Variants in ACACB observed in about 807,000 individuals in gnomAD.
The protein encoded by ACACB is acetyl-CoA carboxylase 2.
Under a neutral mutation model 278.8 loss-of-function variants are expected in ACACB, and 209 were observed. The observed-to-expected ratio is 0.75, with a 90% CI of 0.67 to 0.84. The LOEUF (loss-of-function observed/expected upper bound fraction) is 0.84, where lower values mean the gene tolerates loss of function less well. Among genes scored for constraint, ACACB ranks in the 40% least tolerant of loss-of-function variants. The probability of loss-of-function intolerance (pLI) is 0.00; values close to 1 mark genes in which losing one functional copy is unlikely to be tolerated. For missense variants in ACACB, 2,850 were observed against 3,269.0 expected (o/e 0.87, Z 3.13); for synonymous variants, 1,174 against 1,285.6 (o/e 0.91, Z 1.86).
Position 109,232,649 on chromosome 12 carries a change from G to C in ACACB, c.4002-20G>C, listed in dbSNP as rs746561107. The C allele has an allele frequency of 6.2e-7, 1 of 1,608,834 alleles. No individual in the cohort carries two copies. The highest frequency in any genetic ancestry group is 8.5e-7 in the Non-Finnish European group (1 of 1,176,798). ...GTCTGCAAGCAGCTGCCTCATCCCCGACTTGCCATCACCTTACAGGATGAC... is the reference window on the plus strand; with the variant it reads ...GTCTGCAAGCAGCTGCCTCATCCCCCACTTGCCATCACCTTACAGGATGAC... On this transcript the variant is annotated intron_variant, in intron 28 of 52. Coordinates refer to ENST00000338432, the MANE Select transcript of ACACB (RefSeq NM_001093.4).
intron 38 of ACACB, among the ~76,000 whole-genome samples, chr12:109,245,963 C>G (rs1288476527): frequency 6.6e-6 from 1 of 151,988 alleles, no homozygotes; most frequent in African/African-American, 2.4e-5. Flanking sequence ...GTGGTGTGCT[C>G]CTATAGTCCC....
intron 47 of ACACB, among the ~76,000 whole-genome samples, 174 bp from the exon 48 acceptor site, chr12:109,260,306 G>T (rs945150433): frequency 6.6e-6 from 1 of 152,188 alleles, no homozygotes; most frequent in Non-Finnish European, 1.5e-5. Context: ...TGAATGACCT[G>T]TTCGAGGTCA....
Position 109,193,684 on chromosome 12 carries a change from C to T in ACACB, c.2436C>T (p.Leu812=), listed in dbSNP as rs372631878. 20 of 1,613,926 alleles carry T rather than the reference C, an allele frequency of 1.2e-5. No homozygotes were observed. In the African/African-American group the frequency reaches 1.6e-4, roughly 13 times the overall value. The change falls in exon 16 of 53, where the codon CTC becomes CTT. Residue 812 remains leucine (L), a synonymous_variant. Transcript: ENST00000338432. ...TCCCAGCGGATTCACTACTGAACCT[C>T]GTAGATGTGGAATTAATTTACGGAG... ...QVLPADSLLN[L]VDVELIYGGV...
Position 109,262,358 on chromosome 12 carries a change from G to A in ACACB, c.6676G>A (p.Gly2226Ser), listed in dbSNP as rs756933792. 2.5e-6 allele frequency: 4 copies of A among 1,612,600 alleles called. No individual in the cohort carries two copies. The Admixed American group carries it at 5.0e-5, about 20-fold the overall frequency. The stretch of plus-strand genomic sequence containing the variant: ...CATCCCTGCCTCTTCTCTTTTAAGG[G>A]GTGGTGTTCTGGAACCAGAGGGGAC... Reference protein sequence around the residue: ...IEMYADKESRGGVLEPEGTVE... With the variant: ...IEMYADKESRSGVLEPEGTVE... Residue 2226 changes from glycine to serine, a missense_variant and splice_region_variant, in exon 49 of 53, where the codon GGT becomes AGT. Around this residue, in one of 3 missense-constraint regions of ACACB, gnomAD observed 579 missense variants for 684.6 expected, o/e 0.85. Coordinates refer to ENST00000338432, the MANE Select transcript of ACACB (RefSeq NM_001093.4).
At chr12:109,164,859 A>T (rs564812372) in intron 2 of ACACB, among the ~76,000 whole-genome samples, 10 of 151,786 alleles carry the variant, frequency 6.6e-5, no homozygotes, top group African/African-American at 2.4e-4. Context: ...CTGGGATTAC[A>T]GGTGTGAGCC....
At chr12:109,170,446 G>T (rs2044073587) in intron 4 of ACACB, among the ~76,000 whole-genome samples, 1 of 152,086 alleles carries the variant, frequency 6.6e-6, no homozygotes, top group Non-Finnish European at 1.5e-5. Flanking sequence ...TCAAAACATT[G>T]CGTTATGTTC....
chr12:109,183,735 T>C (rs189009172), intron 11 of ACACB, among the ~76,000 whole-genome samples: 1 of 152,290 alleles, frequency 6.6e-6, no homozygotes, highest in Non-Finnish European at 1.5e-5. Context: ...ACAAGGATAA[T>C]TGGACTTCTT....
chr12:109,134,306 GTGGAC>G (rs1319938021), intron 1 of ACACB, among the ~76,000 whole-genome samples: 1 of 152,198 alleles, frequency 6.6e-6, no homozygotes, highest in Non-Finnish European at 1.5e-5. Flanking sequence ...CCCCAAGGGA[GTGGAC>G]TGCCGAATTT....
intron 2 of ACACB, among the ~76,000 whole-genome samples, chr12:109,160,497 C>T (rs1004939925): frequency 5.9e-5 from 9 of 152,148 alleles, no homozygotes; most frequent in Non-Finnish European, 8.8e-5. Context: ...TCTTGTGCTC[C>T]GGCAGCTGAC....
chr12:109,115,549 C>T (rs1460525572), upstream of ACACB, among the ~76,000 whole-genome samples: 7 of 151,026 alleles, frequency 4.6e-5, no homozygotes, highest in African/African-American at 1.2e-4. Context: ...ACATATGACT[C>T]GGGCCGGGCA....
chr12:109,205,333 C>G, intron 19 of ACACB, among the ~76,000 whole-genome samples: 1 of 152,316 alleles, frequency 6.6e-6, no homozygotes, highest in Middle Eastern at 3.4e-3. Flanking sequence ...GTGAGACAGA[C>G]TGGGAGATCG....
At chr12:109,144,004 AAAAAAT>A in intron 2 of ACACB, among the ~76,000 whole-genome samples, 1 of 152,060 alleles carries the variant, frequency 6.6e-6, no homozygotes, top group Non-Finnish European at 1.5e-5. Context: ...CTGTCTCTAC[AAAAAAT>A]AAAAATAAAA....
Position 109,262,482 on chromosome 12 carries a change from C to A in ACACB, c.6787+13C>A. On this transcript the variant is annotated intron_variant, in intron 49 of 52. Transcript: ENST00000338432. ...ATGGAACAGCTAGGTAAGGGGGTCC[C>A]AAAGGCTTCACCTCTCAGAGGTCAA... The A allele has an allele frequency of 1.3e-6, 2 of 1,591,350 alleles. No homozygotes were observed. The highest frequency in any genetic ancestry group is 1.7e-6 in the Non-Finnish European group (2 of 1,160,898).
chr12:109,139,793 A>G lies in ACACB; in HGVS notation c.388A>G (p.Thr130Ala), dbSNP rs746364518. 7.4e-6 allele frequency: 12 copies of G among 1,614,146 alleles called. No individual in the cohort carries two copies. In the Admixed American group the frequency reaches 1.7e-4, roughly 22 times the overall value. Reference sequence around the variant, plus strand: ...GACACAAGGTCTGGAGGCCACAGATACCAATGGCCTGTCCTCCTCAGCCAG... The same window carrying G: ...GACACAAGGTCTGGAGGCCACAGATGCCAATGGCCTGTCCTCCTCAGCCAG... ...TGTQGLEATD[T>A]NGLSSSARPQ... The change falls in exon 2 of 53, where the codon ACC (threonine) becomes GCC (alanine). Residue 130 changes from threonine to alanine, a missense_variant. Around this residue, in one of 3 missense-constraint regions of ACACB, gnomAD observed 2,265 missense variants for 2,561.3 expected, o/e 0.88. Coordinates refer to ENST00000338432, the MANE Select transcript of ACACB (RefSeq NM_001093.4).
chr12:109,197,898 CT>C (rs898501527), intron 17 of ACACB, among the ~76,000 whole-genome samples: 1 of 151,854 alleles, frequency 6.6e-6, no homozygotes, highest in African/African-American at 2.4e-5. Context: ...TTGTTATCTC[CT>C]TTTTTTTCTT....
At chr12:109,262,495 T>G in intron 49 of ACACB, 26 bp downstream of exon 49, 10 of 1,554,406 alleles carry the variant, frequency 6.4e-6, no homozygotes, top group Non-Finnish European at 8.0e-6. Flanking sequence ...AGGCTTCACC[T>G]CTCAGAGGTC....
chr12:109,132,863 G>A (rs116531401), intron 1 of ACACB, among the ~76,000 whole-genome samples: 2 of 152,206 alleles, frequency 1.3e-5, no homozygotes, highest in Non-Finnish European at 2.9e-5. Flanking sequence ...TAAAGGATTT[G>A]CAGAGTGAGA....
chr12:109,266,960 A>C lies in ACACB; in HGVS notation c.*598A>C, dbSNP rs1221090532. On this transcript the variant is annotated 3_prime_UTR_variant, in exon 53 of 53. Coordinates refer to ENST00000338432, the MANE Select transcript of ACACB (RefSeq NM_001093.4). ...CACTGTGTCATGCAGGCTGGAGTGC[A>C]GTGGCATGATCTCACTGCAACCTCC... The C allele has an allele frequency of 7.0e-6, 1 of 141,880 alleles. No homozygotes were observed. Among genetic ancestry groups the C allele is most frequent in the African/African-American group, 2.6e-5 (1 of 37,958 alleles). The allele number at this position is 141,880 out of a possible 1,614,324, so 8.8% of individuals were successfully genotyped here.
chr12:109,185,788 A>G (rs747179598), intron 12 of ACACB, 48 bp downstream of exon 12: 40 of 1,557,128 alleles, frequency 2.6e-5, no homozygotes, highest in Admixed American at 3.8e-5. Context: ...ATCTCCCAGC[A>G]TGTGGGGGAC....
Sources: gnomAD v4.1 joint callset for allele counts (sites outside exome capture counted in the v4.1 genomes callset) on GRCh38, gnomAD v4.1.1 for gene constraint, gnomAD v4.1.1 regional missense constraint, MANE v1.5 for transcripts, NCBI Gene and HGNC (gene_info 2026-07-23, HGNC 2026-07-21) for gene names.